Variants in MSTO1 observed in about 807,000 individuals in gnomAD.
MSTO1 encodes the protein misato mitochondrial distribution and morphology regulator 1.
MSTO1 carries 24 observed loss-of-function variants against 55.7 expected under a neutral mutation model. That is an observed-to-expected ratio of 0.43 (90% CI 0.31 to 0.61). The LOEUF (loss-of-function observed/expected upper bound fraction) is 0.61. Among genes scored for constraint, MSTO1 ranks in the 20% least tolerant of loss-of-function variants. MSTO1 has a pLI of 0.09. For missense variants in MSTO1, 363 were observed against 625.7 expected, an observed-to-expected ratio of 0.58 and a Z score of 4.48; for synonymous variants, 162 against 252.8, an observed-to-expected ratio of 0.64 and a Z score of 3.41.
At chr1:155,567,500 G>T in the MSTO1 span, among the ~76,000 whole-genome samples, 3 of 151,570 alleles carry the variant, frequency 2.0e-5, no homozygotes, top group Non-Finnish European at 4.4e-5. Flanking sequence ...TTTTAGTAGA[G>T]ACGGGGTTTC....
the MSTO1 span, among the ~76,000 whole-genome samples, chr1:155,575,566 C>G: frequency 1.3e-5 from 2 of 151,918 alleles, no homozygotes; most frequent in African/African-American, 4.8e-5. Flanking sequence ...GCTCAGCCCC[C>G]CAAATAGCTG....
chr1:155,589,590 G>A, the MSTO1 span, among the ~76,000 whole-genome samples: 1 of 152,228 alleles, frequency 6.6e-6, no homozygotes, highest in Non-Finnish European at 1.5e-5. Context: ...TAGGGAAGCT[G>A]ACAGTGCAGC....
At chr1:155,579,333 A>G in the MSTO1 span, among the ~76,000 whole-genome samples, 4 of 151,624 alleles carry the variant, frequency 2.6e-5, no homozygotes, top group Admixed American at 1.3e-4. Flanking sequence ...AAACAAACAA[A>G]CAAACAAACA....
At chr1:155,578,031 A>G in the MSTO1 span, among the ~76,000 whole-genome samples, 1 of 152,174 alleles carries the variant, frequency 6.6e-6, no homozygotes, top group African/African-American at 2.4e-5. Flanking sequence ...GGCATGAGCC[A>G]CCGCACCTAG....
the MSTO1 span, chr1:155,565,911 C>T: frequency 6.6e-6 from 1 of 152,136 alleles, no homozygotes; most frequent in African/African-American, 2.4e-5. Flanking sequence ...TTCTTAATCC[C>T]TAAAACCTGT....
the MSTO1 span, among the ~76,000 whole-genome samples, chr1:155,569,378 G>A: frequency 1.4e-5 from 2 of 146,812 alleles, no homozygotes; most frequent in Non-Finnish European, 3.0e-5. Flanking sequence ...CTCATGATCC[G>A]CCCATCTCGG....
rs1372607513 is a variant in MSTO1, at chr1:155,614,216, G to A, written c.1656G>A (p.Leu552=). The A allele has an allele frequency of 1.9e-6, 2 of 1,063,194 alleles. No individual in the cohort carries two copies. The highest frequency in any genetic ancestry group is 1.5e-5 in the South Asian group (1 of 65,160). 65.9% of individuals were successfully genotyped at this position (1,063,194 alleles called of 1,614,324 possible). Residue 552 remains leucine, a synonymous_variant, in exon 14 of 14, where the codon CTG becomes CTA. Transcript: ENST00000245564. ...AGCACGATGACGTAGCAGAGCTGCT[G>A]CAGGAGCTACAAAGCCTGGCCCAGT... The part of the protein sequence containing the change: ...GVEHDDVAEL[L]QELQSLAQCY...
the MSTO1 span, among the ~76,000 whole-genome samples, chr1:155,598,546 ACT>A: frequency 6.6e-6 from 1 of 151,948 alleles, no homozygotes; most frequent in Non-Finnish European, 1.5e-5. Flanking sequence ...ACATAGTGAA[ACT>A]CTGTCTCTAC....
chr1:155,569,076 ACTC>A, the MSTO1 span, among the ~76,000 whole-genome samples: 6 of 149,052 alleles, frequency 4.0e-5, no homozygotes, highest in Admixed American at 3.3e-4. Context: ...CTGGTCTTGA[ACTC>A]CTGACCTCAA....
chr1:155,606,654 A>G (rs1156332211), upstream of MSTO1, among the ~76,000 whole-genome samples: 1 of 151,756 alleles, frequency 6.6e-6, no homozygotes, highest in Non-Finnish European at 1.5e-5. Flanking sequence ...CAGCCTCCCA[A>G]AGTGCTGGGA....
chr1:155,590,578 C>T, the MSTO1 span: 9 of 1,193,064 alleles, frequency 7.5e-6, no homozygotes, highest in Admixed American at 4.6e-5. Flanking sequence ...CTAGTGCCAG[C>T]GGAGCCCCCA....
chr1:155,599,150 C>T, the MSTO1 span, among the ~76,000 whole-genome samples: 1 of 151,836 alleles, frequency 6.6e-6, no homozygotes, highest in African/African-American at 2.4e-5. Context: ...TGCACTCTAG[C>T]CTGGGCGACA....
the MSTO1 span, among the ~76,000 whole-genome samples, chr1:155,579,538 A>T: frequency 2.0e-5 from 3 of 152,178 alleles, no homozygotes; most frequent in African/African-American, 4.8e-5. Context: ...GCTAATGGGA[A>T]AGGCTTGAGA....
At chr1:155,567,158 C>G in the MSTO1 span, among the ~76,000 whole-genome samples, 1 of 151,242 alleles carries the variant, frequency 6.6e-6, no homozygotes, top group Non-Finnish European at 1.5e-5. Context: ...GAGTCTTGCT[C>G]TGTCACCCAG....
At chr1:155,586,070 T>TG in the MSTO1 span, among the ~76,000 whole-genome samples, 3 of 152,220 alleles carry the variant, frequency 2.0e-5, no homozygotes, top group Non-Finnish European at 4.4e-5. Context: ...ATCTATCCAA[T>TG]GTTCTGTCAA....
chr1:155,606,465 G>A (rs1441409569), upstream of MSTO1, among the ~76,000 whole-genome samples: 4 of 151,096 alleles, frequency 2.6e-5, no homozygotes, highest in Non-Finnish European at 4.4e-5. Context: ...CATGATCTTG[G>A]CTCACTGCAA....
chr1:155,573,270 CTA>C, the MSTO1 span, among the ~76,000 whole-genome samples: 2 of 152,064 alleles, frequency 1.3e-5, no homozygotes, highest in Non-Finnish European at 2.9e-5. Context: ...AATTTTTAAA[CTA>C]TACCCAAGTG....
At chr1:155,569,405 G>A in the MSTO1 span, among the ~76,000 whole-genome samples, 1,639 of 145,352 alleles carry the variant, frequency 0.011, 10 homozygotes, top group Middle Eastern at 0.025. Context: ...AAAGTGCTGG[G>A]ATTACAGGCG....
At chr1:155,592,439 G>C in the MSTO1 span, among the ~76,000 whole-genome samples, 2 of 152,342 alleles carry the variant, frequency 1.3e-5, no homozygotes, top group Non-Finnish European at 2.9e-5. Flanking sequence ...GCAAGGGAGG[G>C]TGAGAAGTGT....
Sources: gnomAD v4.1 joint callset for allele counts (sites outside exome capture counted in the v4.1 genomes callset) on GRCh38, gnomAD v4.1.1 for gene constraint, MANE v1.5 for transcripts, NCBI Gene and HGNC (gene_info 2026-07-23, HGNC 2026-07-21) for gene names.